The following KIF15 variants were observed in gnomAD, a reference collection of about 807,000 sequenced individuals.
KIF15 encodes kinesin-like protein KIF15.
A neutral mutation model predicts 190.6 loss-of-function variants in KIF15; 140 were observed. That is an observed-to-expected ratio of 0.73 (90% confidence interval 0.64 to 0.84). The LOEUF (loss-of-function observed/expected upper bound fraction) is 0.84. Among genes scored for constraint, KIF15 ranks in the 40% least tolerant of loss-of-function variants. KIF15 has a pLI of 0.00. For synonymous variants in KIF15, 528 were observed against 551.3 expected (o/e 0.96, Z 0.59); for missense variants, 1,372 against 1,584.4 (o/e 0.87, Z 2.28).
chr3:44,859,830 AAAAC>A (rs1254426842), intron 6 of KIF15, among the ~76,000 whole-genome samples: 1 of 152,150 alleles, frequency 6.6e-6, no homozygotes, highest in Non-Finnish European at 1.5e-5. Context: ...TCTCCCTCTA[AAAAC>A]AAACAAAATT....
chr3:44,802,657 C>T (rs1303031217), intron 13 of KIF15, among the ~76,000 whole-genome samples, 157 bp from the exon 14 acceptor site: 4 of 152,204 alleles, frequency 2.6e-5, no homozygotes, highest in Non-Finnish European at 5.9e-5. Context: ...TATTTTCAAA[C>T]TGATCACAAA....
At chr3:44,817,091 G>GT (rs1708064399) in intron 20 of KIF15, among the ~76,000 whole-genome samples, 1 of 151,694 alleles carries the variant, frequency 6.6e-6, no homozygotes, top group African/African-American at 2.4e-5. Flanking sequence ...GAGGTTGTTT[G>GT]TTTTTTTCTT....
intron 30 of KIF15, among the ~76,000 whole-genome samples, chr3:44,846,119 G>A (rs1393641513): frequency 1.3e-5 from 2 of 152,288 alleles, no homozygotes; most frequent in East Asian, 3.9e-4. Flanking sequence ...AGTAGTTATG[G>A]CAGTGGCAGA....
chr3:44,818,026 T>C (rs1201920942), intron 20 of KIF15, among the ~76,000 whole-genome samples: 7 of 152,264 alleles, frequency 4.6e-5, no homozygotes, highest in Non-Finnish European at 1.0e-4. Flanking sequence ...AGTTCACTCA[T>C]AATTTGGCTC....
In KIF15 at chr3:44,797,917, A is replaced by C. The variant is rs1418576218; in HGVS notation, c.1059A>C (p.Thr353=). The C allele has an allele frequency of 1.2e-6, 2 of 1,613,782 alleles. No homozygotes were observed. The highest frequency in any genetic ancestry group is 1.7e-6 in the Non-Finnish European group (2 of 1,179,940). The stretch of plus-strand genomic sequence containing the variant: ...GGTGTTTTGGGGAAACCCTATCAAC[A>C]CTTAACTTTGCTCAAAGAGCCAAGC... ...GSRCFGETLS[T]LNFAQRAKLI... The change falls in exon 10 of 35, where the codon ACA becomes ACC. Residue 353 remains threonine (T), a synonymous_variant. Transcript: ENST00000326047.
At chr3:44,860,028 G>A (rs1336895795) in intron 6 of KIF15, among the ~76,000 whole-genome samples, 1 of 152,172 alleles carries the variant, frequency 6.6e-6, no homozygotes, top group Non-Finnish European at 1.5e-5. Flanking sequence ...CTGCCCTCAA[G>A]GAGCTTGCAG....
rs113090328 is a variant in KIF15, at chr3:44,767,691, G to A, written c.19+5807G>A. Among the ~76,000 whole-genome samples, 699 of 150,186 alleles carry A rather than the reference G, an allele frequency of 4.7e-3. 3 individuals carry two copies. Among genetic ancestry groups the A allele is most frequent in the African/African-American group, 0.016 (637 of 40,842 alleles). ...CGGGTGGATCATGAGGTCAGGAGAT[G>A]GAGACCATCCTGGCTAACAAAGTGA... On this transcript the variant is annotated intron_variant, in intron 1 of 34. Transcript: ENST00000326047.
At chr3:44,852,554 G>C in intron 34 of KIF15, 119 bp from the exon 35 acceptor site, 1 of 853,972 alleles carries the variant, frequency 1.2e-6, no homozygotes, top group Non-Finnish European at 1.8e-6. Context: ...CGTTTAGTTT[G>C]CACATTGAAA....
intron 8 of KIF15, among the ~76,000 whole-genome samples, chr3:44,795,324 A>G (rs1706923125): frequency 6.6e-6 from 1 of 152,186 alleles, no homozygotes; most frequent in Admixed American, 6.5e-5. Flanking sequence ...TGGATGCAGA[A>G]TGAGTGTAGC....
In KIF15 at chr3:44,775,414, G is replaced by A. The variant is rs1261448014; in HGVS notation, c.223G>A (p.Val75Ile). 1.2e-6 allele frequency: 2 copies of A among 1,610,340 alleles called. No individual in the cohort carries two copies. Among genetic ancestry groups the A allele is most frequent in the Non-Finnish European group, 8.5e-7 (1 of 1,178,678 alleles). ...GCCCAAGACCTTCACGTTTGATCAT[G>A]TTGCAGATGTGGATACCACTCAGGT... ...PEPKTFTFDHVADVDTTQESV... is the reference protein window; with the variant it reads ...PEPKTFTFDHIADVDTTQESV... Residue 75 changes from valine to isoleucine, a missense_variant, in exon 3 of 35, where the codon GTT becomes ATT. Physicochemically the swap from Val to Ile is conservative, Grantham distance 29. Transcript: ENST00000326047.
chr3:44,818,007 G>T (rs1708102027), intron 20 of KIF15, among the ~76,000 whole-genome samples: 1 of 152,186 alleles, frequency 6.6e-6, no homozygotes, highest in Non-Finnish European at 1.5e-5. Context: ...TGTAGCAGCT[G>T]TGAATGGGAG....
intron 4 of KIF15, among the ~76,000 whole-genome samples, chr3:44,778,566 A>G (rs1706005262): frequency 6.6e-6 from 1 of 152,148 alleles, no homozygotes; most frequent in African/African-American, 2.4e-5. Flanking sequence ...GATTTTAGGG[A>G]CTAATGATTA....
intron 5 of KIF15, among the ~76,000 whole-genome samples, chr3:44,782,073 G>A (rs376087951): frequency 4.0e-5 from 6 of 151,116 alleles, no homozygotes; most frequent in East Asian, 3.9e-4. Flanking sequence ...TTTTTGAGAC[G>A]GAGCCTGCCC....
intron 6 of KIF15, chr3:44,865,165 A>G (rs774672032): frequency 1.9e-6 from 3 of 1,614,170 alleles, no homozygotes; most frequent in South Asian, 2.2e-5. Context: ...AGCCCCTTCC[A>G]CACAAGCAGC....
chr3:44,813,005 G>A, intron 18 of KIF15, 70 bp from the exon 19 acceptor site: 2 of 918,118 alleles, frequency 2.2e-6, no homozygotes, highest in Non-Finnish European at 3.3e-6. Context: ...AAAGAAACAG[G>A]TTAATGATTT....
At chr3:44,852,550 G>A (rs926837480) in intron 34 of KIF15, 123 bp from the exon 35 acceptor site, 1 of 847,886 alleles carries the variant, frequency 1.2e-6, no homozygotes, top group African/African-American at 1.8e-5. Flanking sequence ...TTAACGTTTA[G>A]TTTGCACATT....
chr3:44,827,512 C>T lies in KIF15; in HGVS notation c.2840C>T (p.Ala947Val). 1.9e-6 allele frequency: 3 copies of T among 1,610,668 alleles called. No homozygotes were observed. The highest frequency in any genetic ancestry group is 2.5e-6 in the Non-Finnish European group (3 of 1,177,204). Residue 947 changes from alanine (A) to valine (V), a missense_variant, in exon 23 of 35, where the codon GCC becomes GTC. Physicochemically the swap from Ala to Val is moderately conservative, Grantham distance 64. Coordinates refer to ENST00000326047, the MANE Select transcript of KIF15 (RefSeq NM_020242.3). ...AVRQEKQKET[A>V]KCEQQMAKVQ... is the part of the protein sequence containing the mutation. ...CGTCAGGAGAAACAGAAAGAGACGG[C>T]CAAGTGTGAGCAGCAGGTAAAATTC...
intron 7 of KIF15, among the ~76,000 whole-genome samples, chr3:44,792,699 A>G (rs1387135916): frequency 1.3e-5 from 2 of 151,886 alleles, no homozygotes; most frequent in African/African-American, 4.8e-5. Flanking sequence ...GGTGCATGCC[A>G]CCACACCCGG....
chr3:44,826,673 T>C (rs564684558), intron 22 of KIF15, among the ~76,000 whole-genome samples: 1 of 152,334 alleles, frequency 6.6e-6, no homozygotes, highest in South Asian at 2.1e-4. Context: ...TTTAAATGAA[T>C]AGCAATTGGT....
Sources: allele counts gnomAD v4.1 joint callset (sites outside exome capture counted in the v4.1 genomes callset), GRCh38; gene constraint gnomAD v4.1.1; transcripts MANE v1.5; gene names NCBI Gene and HGNC (gene_info 2026-07-23, HGNC 2026-07-21).